The following AASS variants were observed in gnomAD, a reference collection of about 807,000 sequenced individuals.
The protein encoded by AASS is aminoadipate-semialdehyde synthase.
In AASS, 86 loss-of-function variants were observed where a neutral mutation model predicts 105.4. The ratio of observed to expected loss-of-function variants is 0.82; its 90% CI spans 0.69 to 0.98. The LOEUF is 0.98. Among genes scored for constraint, AASS ranks in the 50% least tolerant of loss-of-function variants. The pLI is 0.00. For missense variants in AASS, 1,048 were observed against 1,143.2 expected, an observed-to-expected ratio of 0.92 and a Z score of 1.20; for synonymous variants, 381 against 394.8, an observed-to-expected ratio of 0.96 and a Z score of 0.41.
chr7:122,138,757 C>T (rs942532994), intron 1 of AASS, among the ~76,000 whole-genome samples: 7 of 151,952 alleles, frequency 4.6e-5, no homozygotes, highest in Non-Finnish European at 2.9e-5. Flanking sequence ...AAAGAACATG[C>T]TTGAATGTTC....
rs750097370 is a variant in AASS at position 122,098,418 on chromosome 7, A to C, written c.1655+32T>G. The stretch of plus-strand genomic sequence containing the variant: ...AAATGAGAAAAGAAATAACAACAAA[A>C]ATATGAAACTCATTTCTTGCCAGAT... On this transcript the variant is annotated intron_variant, in intron 15 of 23. Coordinates refer to ENST00000417368, the MANE Select transcript of AASS (RefSeq NM_005763.4). 2.5e-6 allele frequency: 4 copies of C among 1,610,248 alleles called. No individual in the cohort carries two copies. The East Asian group carries it at 8.9e-5, about 36-fold the overall frequency.
chr7:122,088,044 G>C (rs1235401452), intron 18 of AASS, among the ~76,000 whole-genome samples: 1 of 152,086 alleles, frequency 6.6e-6, no homozygotes, highest in Non-Finnish European at 1.5e-5. Context: ...ATATAATGTA[G>C]TTCAACAATA....
At chr7:122,082,786 A>C in intron 19 of AASS, 1 of 1,282,466 alleles carries the variant, frequency 7.8e-7, no homozygotes, top group Non-Finnish European at 1.0e-6. Flanking sequence ...AGGGGAACTC[A>C]CATAGATGGG....
At chr7:122,131,889 G>A (rs1782890861) in intron 2 of AASS, among the ~76,000 whole-genome samples, 1 of 152,116 alleles carries the variant, frequency 6.6e-6, no homozygotes, top group Non-Finnish European at 1.5e-5. Flanking sequence ...CCAAAGGACA[G>A]AGAAGCCCCC....
chr7:122,138,910 A>G (rs1013077812), intron 1 of AASS, among the ~76,000 whole-genome samples: 11 of 152,258 alleles, frequency 7.2e-5, no homozygotes, highest in Non-Finnish European at 1.6e-4. Context: ...GAGCTGTCCT[A>G]TGGTCACTGA....
In AASS at chr7:122,116,861, T is replaced by G. The variant is rs368939605; in HGVS notation, c.766+18A>C. Reference sequence around the variant, plus strand: ...GACTGTTAAAAACATTAAAAGTTAGTCATCTCCTGTCCCTTACCTCCAGTT... The same window carrying G: ...GACTGTTAAAAACATTAAAAGTTAGGCATCTCCTGTCCCTTACCTCCAGTT... On this transcript the variant is annotated intron_variant, in intron 7 of 23. Coordinates refer to ENST00000417368, the MANE Select transcript of AASS (RefSeq NM_005763.4). 1.9e-6 allele frequency: 3 copies of G among 1,613,026 alleles called. No individual in the cohort carries two copies. The African/African-American group carries it at 4.0e-5, about 22-fold the overall frequency.
rs762873545 is a variant in AASS, at chr7:122,133,645, C to T, written c.82G>A (p.Val28Ile). 3.9e-5 allele frequency: 63 copies of T among 1,614,034 alleles called. No individual in the cohort carries two copies. The highest frequency in any genetic ancestry group is 4.8e-5 in the Non-Finnish European group (57 of 1,180,046). ...CAGGCGTTCACATCCTCCCTCCGGA[C>T]GGCCAACACAGCTTTGTGGTGAAGA... ...KGLHHKAVLA[V>I]RREDVNAWER... Residue 28 changes from valine (V) to isoleucine (I), a missense_variant, in exon 2 of 24, where the codon GTC (valine) becomes ATC (isoleucine). By Grantham distance (29) the Val-to-Ile change is conservative. Transcript: ENST00000417368.
chr7:122,093,688 T>C (rs915898355), intron 15 of AASS, among the ~76,000 whole-genome samples: 4 of 152,106 alleles, frequency 2.6e-5, no homozygotes, highest in Non-Finnish European at 5.9e-5. Context: ...CGCATGCCTG[T>C]AGTCCCAGCT....
chr7:122,114,514 G>A (rs1303398774), intron 9 of AASS, among the ~76,000 whole-genome samples: 6 of 152,100 alleles, frequency 3.9e-5, no homozygotes, highest in Non-Finnish European at 7.3e-5. Context: ...ATCAGGCAAC[G>A]TACTAGGTGC....
At chr7:122,144,070 C>G (rs531292098) in intron 1 of AASS, 91 bp downstream of exon 1, 3 of 152,318 alleles carry the variant, frequency 2.0e-5, no homozygotes, top group African/African-American at 7.2e-5. Flanking sequence ...AGCGACAGCC[C>G]GAGCCCGGCC....
chr7:122,091,928 G>T, intron 17 of AASS, 85 bp from the exon 18 acceptor site: 2 of 980,670 alleles, frequency 2.0e-6, no homozygotes, highest in Non-Finnish European at 1.6e-6. Context: ...TGATATGAAT[G>T]GAGTAAACTT....
chr7:122,091,649 G>A (rs1793904231), intron 18 of AASS, 54 bp downstream of exon 18: 1 of 1,612,146 alleles, frequency 6.2e-7, no homozygotes, highest in South Asian at 1.1e-5. Flanking sequence ...TATTTAGACT[G>A]TCTCAGGCTG....
At chr7:122,113,050 T>C in intron 11 of AASS, 68 bp downstream of exon 11, 6 of 1,282,520 alleles carry the variant, frequency 4.7e-6, no homozygotes, top group Non-Finnish European at 6.8e-6. Flanking sequence ...GACCAGAACA[T>C]TCACAGAATT....
chr7:122,098,646 T>TA, intron 14 of AASS, 70 bp from the exon 15 acceptor site: 1 of 1,583,942 alleles, frequency 6.3e-7, no homozygotes, highest in Non-Finnish European at 8.6e-7. Context: ...TCTCCAAAAA[T>TA]AAATTTTCAA....
At chr7:122,102,727 ACCTTTAC>A (rs1178633490) in intron 11 of AASS, among the ~76,000 whole-genome samples, 1 of 152,026 alleles carries the variant, frequency 6.6e-6, no homozygotes, top group Non-Finnish European at 1.5e-5. Context: ...ATTTCTCCTA[ACCTTTAC>A]CCTTGTCTAT....
At chr7:122,123,800 A>G (rs557184989) in intron 4 of AASS, among the ~76,000 whole-genome samples, 28 of 152,286 alleles carry the variant, frequency 1.8e-4, no homozygotes, top group Admixed American at 3.9e-4. Context: ...TAGCTTATGT[A>G]AGCTCTGTTT....
intron 1 of AASS, among the ~76,000 whole-genome samples, chr7:122,140,315 C>G (rs1218106522): frequency 1.3e-5 from 2 of 151,274 alleles, no homozygotes; most frequent in Non-Finnish European, 2.9e-5. Context: ...GAAACCCCGT[C>G]TCTACTAAAA....
chr7:122,087,958 G>GCTA (rs1793706891), intron 18 of AASS, among the ~76,000 whole-genome samples: 1 of 152,126 alleles, frequency 6.6e-6, no homozygotes, highest in Non-Finnish European at 1.5e-5. Context: ...ATGGCAGGTG[G>GCTA]CTAAGCAACC....
chr7:122,095,372 T>A (rs1269762082), intron 15 of AASS, among the ~76,000 whole-genome samples: 4 of 152,192 alleles, frequency 2.6e-5, no homozygotes, highest in Non-Finnish European at 1.5e-5. Flanking sequence ...ATATGAGTGT[T>A]ATAAAAATGA....
Sources: allele counts gnomAD v4.1 joint callset (sites outside exome capture counted in the v4.1 genomes callset), GRCh38; gene constraint gnomAD v4.1.1; transcripts MANE v1.5; gene names NCBI Gene and HGNC (gene_info 2026-07-23, HGNC 2026-07-21).